The following INSYN2B variants were observed in gnomAD, a reference collection of about 807,000 sequenced individuals.
INSYN2B encodes the protein protein INSYN2B.
Under a neutral mutation model 41.2 loss-of-function variants are expected in INSYN2B, and 16 were observed. The ratio of observed to expected loss-of-function variants is 0.39; its 90% confidence interval spans 0.26 to 0.59. INSYN2B has a LOEUF of 0.59. Among genes scored for constraint, INSYN2B ranks in the 20% least tolerant of loss-of-function variants. INSYN2B has a pLI of 0.57. For missense variants in INSYN2B, 608 were observed against 646.4 expected, an observed-to-expected ratio of 0.94 and a Z score of 0.64; for synonymous variants, 245 against 244.4, an observed-to-expected ratio of 1.00 and a Z score of -0.02.
At chr5:169,895,857 AATAG>A (rs1297989453) in intron 1 of INSYN2B, among the ~76,000 whole-genome samples, 1 of 152,194 alleles carries the variant, frequency 6.6e-6, no homozygotes, top group Non-Finnish European at 1.5e-5. Context: ...CCTGGCACAT[AATAG>A]ATATAGTAAG....
At position 169,899,954 on chromosome 5, in the gene INSYN2B, A is replaced by G. The variant is rs1415491829; in HGVS notation, c.-918-15138T>C. ...ATTTTCAGTTATGTCATTTCCTTCC[A>G]CTAAGATCATGAGAGTCTCACAAAC... On this transcript the variant is annotated intron_variant, in intron 1 of 3. Transcript: ENST00000377365. Among the ~76,000 whole-genome samples, 4 of 152,140 alleles carry G rather than the reference A, an allele frequency of 2.6e-5. No individual in the cohort carries two copies. The East Asian group carries it at 5.8e-4, about 22-fold the overall frequency.
At position 169,871,025 on chromosome 5, in the gene INSYN2B, G is replaced by A. The variant is rs534821404; in HGVS notation, c.1422-6566C>T. 1.1e-4 allele frequency among the ~76,000 whole-genome samples: 16 copies of A among 152,294 alleles called. No individual in the cohort carries two copies. In the South Asian group the frequency reaches 2.9e-3, roughly 28 times the overall value. ...GGTCTACAGACAGCTGTATTCCCTT[G>A]CTGTGTCCTCACGTGGCAGAAAGGG... On this transcript the variant is annotated intron_variant, in intron 3 of 3. Transcript: ENST00000377365.
At chr5:169,866,991 G>A (rs1021691818) in intron 3 of INSYN2B, among the ~76,000 whole-genome samples, 2 of 152,202 alleles carry the variant, frequency 1.3e-5, no homozygotes, top group Admixed American at 6.5e-5. Context: ...ACAAGTCCGG[G>A]ACCTTGGAAC....
At chr5:169,885,099 C>T (rs1335677049) in intron 1 of INSYN2B, among the ~76,000 whole-genome samples, 1 of 152,186 alleles carries the variant, frequency 6.6e-6, no homozygotes, top group African/African-American at 2.4e-5. Flanking sequence ...CTCAGGCAGC[C>T]TTTACAATGT....
At chr5:169,960,232 G>C (rs1211919590) in intron 1 of INSYN2B, among the ~76,000 whole-genome samples, 1 of 152,224 alleles carries the variant, frequency 6.6e-6, no homozygotes, top group East Asian at 1.9e-4. Flanking sequence ...ACAGAAAGCT[G>C]TGTATGCCTT....
chr5:169,931,230 A>C (rs1775734071), intron 1 of INSYN2B, among the ~76,000 whole-genome samples: 1 of 152,214 alleles, frequency 6.6e-6, no homozygotes, highest in Non-Finnish European at 1.5e-5. Context: ...ATACATGTGC[A>C]TCCCAAAGAC....
At chr5:169,902,184 C>T (rs1340739406) in intron 1 of INSYN2B, among the ~76,000 whole-genome samples, 1 of 152,162 alleles carries the variant, frequency 6.6e-6, no homozygotes, top group South Asian at 2.1e-4. Context: ...AGGGGAATAA[C>T]CAGTTAGTCT....
At chr5:169,870,294 G>A (rs186122102) in intron 3 of INSYN2B, among the ~76,000 whole-genome samples, 2 of 152,128 alleles carry the variant, frequency 1.3e-5, no homozygotes, top group Middle Eastern at 3.2e-3. Context: ...CATCATGCTC[G>A]CTGAAAAGCA....
At chr5:169,910,753 G>T (rs898152003) in intron 1 of INSYN2B, among the ~76,000 whole-genome samples, 1 of 152,210 alleles carries the variant, frequency 6.6e-6, no homozygotes, top group East Asian at 1.9e-4. Context: ...TTGGACTGAT[G>T]ACTAAACTTT....
chr5:169,916,396 A>G (rs142699481), intron 1 of INSYN2B, among the ~76,000 whole-genome samples: 2 of 152,292 alleles, frequency 1.3e-5, no homozygotes, highest in African/African-American at 2.4e-5. Flanking sequence ...TGGCCCTCCT[A>G]TCACCCCTGT....
chr5:169,884,495 G>T lies in INSYN2B; in HGVS notation c.-597C>A, dbSNP rs1217627609. The T allele has an allele frequency of 6.6e-6, 1 of 152,202 alleles. No homozygotes were observed. The highest frequency in any genetic ancestry group is 6.5e-5 in the Admixed American group (1 of 15,278). 9.4% of individuals were successfully genotyped at this position (152,202 alleles called of 1,614,324 possible). ...GTTTGATGATACATGATGCTCCCAA[G>T]GGAACATTCCCATTTATGTCAATCA... is the stretch of plus-strand genomic sequence containing the variant. On this transcript the variant is annotated 5_prime_UTR_variant, in exon 2 of 4. Coordinates refer to ENST00000377365, the MANE Select transcript of INSYN2B (RefSeq NM_001129891.3).
chr5:169,890,216 G>C (rs1219481367), intron 1 of INSYN2B, among the ~76,000 whole-genome samples: 1 of 152,170 alleles, frequency 6.6e-6, no homozygotes, highest in Non-Finnish European at 1.5e-5. Flanking sequence ...TTATGTGTTA[G>C]TCCTGTTTCC....
chr5:169,973,612 G>A (rs770579933), intron 1 of INSYN2B, among the ~76,000 whole-genome samples: 1 of 152,154 alleles, frequency 6.6e-6, no homozygotes, highest in Admixed American at 6.5e-5. Flanking sequence ...GACTTAGGAT[G>A]TGTCCAGTGC....
At chr5:169,957,797 T>G (rs1488234987) in intron 1 of INSYN2B, among the ~76,000 whole-genome samples, 1 of 152,226 alleles carries the variant, frequency 6.6e-6, no homozygotes, top group African/African-American at 2.4e-5. Context: ...TAGAGCTCCA[T>G]GTACTGCTAC....
At chr5:169,938,754 T>C (rs1045069970) in intron 1 of INSYN2B, among the ~76,000 whole-genome samples, 32 of 152,234 alleles carry the variant, frequency 2.1e-4, no homozygotes, top group African/African-American at 7.7e-4. Flanking sequence ...AAATTAACCA[T>C]AGCAGAGTGT....
intron 3 of INSYN2B, chr5:169,875,187 A>C: frequency 2.2e-6 from 1 of 455,932 alleles, no homozygotes; most frequent in Non-Finnish European, 4.4e-6. Context: ...TTTTTACCTA[A>C]AAAAATCCTT....
rs187220094 is a variant in INSYN2B at position 169,882,683 on chromosome 5, G to A, written c.1216C>T (p.Arg406Trp). The A allele has an allele frequency of 2.6e-3, 4,112 of 1,552,032 alleles. 11 individuals are homozygous for A. Among genetic ancestry groups the A allele is most frequent in the Non-Finnish European group, 3.2e-3 (3,678 of 1,147,044 alleles). ...CCTTGGAGGTCGCAGAGTTCACCCCGTGCCAGGTGAATTTGATTAATGTCA... is the reference window on the plus strand; with the variant it reads ...CCTTGGAGGTCGCAGAGTTCACCCCATGCCAGGTGAATTTGATTAATGTCA... ...ISDINQIHLARGELCDLQGRL... is the reference protein window; with the variant it reads ...ISDINQIHLAWGELCDLQGRL... The change falls in exon 2 of 4, where the codon CGG (arginine) becomes TGG (tryptophan). Residue 406 changes from arginine (R) to tryptophan (W), a missense_variant. Arg to Trp is a moderately radical substitution (Grantham distance 101). Coordinates refer to ENST00000377365, the MANE Select transcript of INSYN2B (RefSeq NM_001129891.3).
intron 1 of INSYN2B, among the ~76,000 whole-genome samples, chr5:169,893,181 G>A (rs1489232805): frequency 6.6e-6 from 1 of 152,186 alleles, no homozygotes; most frequent in Non-Finnish European, 1.5e-5. Context: ...AAGCCTCAGG[G>A]CACCTGCCCT....
chr5:169,969,710 G>GAGAGA (rs567094085), intron 1 of INSYN2B, among the ~76,000 whole-genome samples: 1,862 of 152,262 alleles, frequency 0.012, 44 homozygotes, highest in African/African-American at 0.042. Context: ...TAGGTGGGGT[G>GAGAGA]ACCAACTGTC....
Sources: gnomAD v4.1 joint callset for allele counts (sites outside exome capture counted in the v4.1 genomes callset) on GRCh38, gnomAD v4.1.1 for gene constraint, MANE v1.5 for transcripts, NCBI Gene and HGNC (gene_info 2026-07-23, HGNC 2026-07-21) for gene names.